Variants in ANKRD44 observed in about 807,000 individuals in gnomAD.
ANKRD44 encodes the protein serine/threonine-protein phosphatase 6 regulatory ankyrin repeat subunit B.
ANKRD44 carries 35 observed loss-of-function variants against 116.0 expected under a neutral mutation model. That is an observed-to-expected ratio of 0.30 (90% CI 0.23 to 0.40). The LOEUF is 0.40. Ranked by LOEUF, ANKRD44 falls within the 10% of genes least tolerant of loss-of-function variation. ANKRD44 has a pLI of 1.00. For synonymous variants in ANKRD44, 435 were observed against 461.8 expected, an observed-to-expected ratio of 0.94 and a Z score of 0.74; for missense variants, 1,014 against 1,242.6, an observed-to-expected ratio of 0.82 and a Z score of 2.77.
intron 8 of ANKRD44, among the ~76,000 whole-genome samples, chr2:197,112,465 T>C (rs1291171558): frequency 6.6e-6 from 1 of 152,048 alleles, no homozygotes; most frequent in African/African-American, 2.4e-5. Context: ...ATCCCAGCAC[T>C]TTGGGAGGCC....
At chr2:197,081,871 C>T (rs2077806488) in intron 14 of ANKRD44, 146 bp from the exon 15 acceptor site, 1 of 640,030 alleles carries the variant, frequency 1.6e-6, no homozygotes, top group South Asian at 1.9e-5. Flanking sequence ...TGAAGATATA[C>T]ATGGTTCTCT....
intron 2 of ANKRD44, among the ~76,000 whole-genome samples, chr2:197,176,744 A>G: frequency 6.6e-6 from 1 of 152,142 alleles, no homozygotes. Flanking sequence ...CATTTATACT[A>G]TCCTACACTG....
intron 16 of ANKRD44, among the ~76,000 whole-genome samples, chr2:197,071,099 G>A (rs1341658426): frequency 6.6e-6 from 1 of 152,012 alleles, no homozygotes; most frequent in Non-Finnish European, 1.5e-5. Flanking sequence ...GTTAATTTAT[G>A]TTTCCTCTCT....
At chr2:197,181,760 C>A (rs1464992288) in intron 2 of ANKRD44, among the ~76,000 whole-genome samples, 1 of 152,216 alleles carries the variant, frequency 6.6e-6, no homozygotes, top group Non-Finnish European at 1.5e-5. Flanking sequence ...CTCTAGACAG[C>A]TCTGTCTATT....
chr2:197,188,978 T>G (rs886471925), intron 1 of ANKRD44, among the ~76,000 whole-genome samples: 4 of 152,246 alleles, frequency 2.6e-5, no homozygotes, highest in African/African-American at 9.6e-5. Flanking sequence ...AGCACTGGCC[T>G]CAGGTGAAAT....
chr2:197,245,232 C>T (rs2125810938), intron 1 of ANKRD44, among the ~76,000 whole-genome samples: 1 of 152,230 alleles, frequency 6.6e-6, no homozygotes, highest in East Asian at 1.9e-4. Flanking sequence ...TGCACTCCAG[C>T]CTGGGCAACA....
At chr2:197,216,203 A>G (rs2081439123) in intron 1 of ANKRD44, among the ~76,000 whole-genome samples, 1 of 152,208 alleles carries the variant, frequency 6.6e-6, no homozygotes, top group Non-Finnish European at 1.5e-5. Flanking sequence ...AGTCTGGTAT[A>G]GTTTTCAAAT....
chr2:197,205,495 G>A (rs1287644522), intron 1 of ANKRD44, among the ~76,000 whole-genome samples: 2 of 152,178 alleles, frequency 1.3e-5, no homozygotes, highest in Non-Finnish European at 2.9e-5. Context: ...GAAAGAAACT[G>A]GGGCTTGGGG....
At chr2:197,293,176 G>A (rs2083619489) in intron 1 of ANKRD44, among the ~76,000 whole-genome samples, 1 of 152,156 alleles carries the variant, frequency 6.6e-6, no homozygotes, top group East Asian at 1.9e-4. Flanking sequence ...AAAGAAGGTA[G>A]ATAAAGTAGA....
intron 2 of ANKRD44, among the ~76,000 whole-genome samples, chr2:197,166,668 A>AAGGGTAGGAAC (rs1418846055): frequency 2.8e-4 from 5 of 17,832 alleles, no homozygotes; most frequent in Non-Finnish European, 1.6e-3. Context: ...TATGCTCAGA[A>AAGGGTAGGAAC]TGGGATATCC....
intron 8 of ANKRD44, among the ~76,000 whole-genome samples, chr2:197,118,637 G>GAGAGAGAGAGAGAAAGAAAGAA (rs773839262): frequency 8.6e-4 from 97 of 112,422 alleles, no homozygotes; most frequent in Non-Finnish European, 1.6e-3. Context: ...GAGAGAGAGA[G>GAGAGAGAGAGAGAAAGAAAGAA]AGAAAGAAAG....
At chr2:196,976,122 G>C (rs2075758554) in intron 21 of ANKRD44, among the ~76,000 whole-genome samples, 2 of 151,894 alleles carry the variant, frequency 1.3e-5, no homozygotes, top group Non-Finnish European at 2.9e-5. Flanking sequence ...AAAAACCCAT[G>C]GTAAACAAAA....
At chr2:197,114,679 G>A (rs1574482843) in intron 8 of ANKRD44, among the ~76,000 whole-genome samples, 1 of 151,990 alleles carries the variant, frequency 6.6e-6, no homozygotes, top group East Asian at 1.9e-4. Context: ...GTTCTCTGTG[G>A]CATGGTACAC....
chr2:197,025,167 G>C (rs1404901975), intron 17 of ANKRD44, 29 bp downstream of exon 17: 1 of 1,594,992 alleles, frequency 6.3e-7, no homozygotes, highest in African/African-American at 1.3e-5. Context: ...TTTTGTAACA[G>C]GTGAAGCTGC....
rs1244652478 is a variant in ANKRD44 at position 197,008,516 on chromosome 2, G to T, written c.2012+428C>A. 1.4e-4 allele frequency among the ~76,000 whole-genome samples: 21 copies of T among 152,110 alleles called. 1 individual carries two copies. The highest frequency in any genetic ancestry group is 1.4e-3 in the Admixed American group (21 of 15,274). ...TTAGGTGGGGAATATGCCAACAGAA[G>T]GAAATTACTTTGAAAAAGCAAAGTT... On this transcript the variant is annotated intron_variant, in intron 19 of 27. Transcript: ENST00000282272.
At chr2:197,140,587 C>T (rs2079337772) in intron 3 of ANKRD44, among the ~76,000 whole-genome samples, 1 of 152,134 alleles carries the variant, frequency 6.6e-6, no homozygotes, top group South Asian at 2.1e-4. Flanking sequence ...TTCTAATGTT[C>T]TGGGATTACA....
In ANKRD44 at chr2:197,025,222, C is replaced by G; in HGVS notation, c.1696G>C (p.Ala566Pro). Residue 566 changes from alanine to proline, a missense_variant, in exon 17 of 28, where the codon GCT becomes CCT. Coordinates refer to ENST00000282272, the MANE Select transcript of ANKRD44 (RefSeq NM_001195144.2). ...NSGFEESDSGATKSPLHLAAY... is the reference protein window; with the variant it reads ...NSGFEESDSGPTKSPLHLAAY... ...GCTAAGTGGAGTGGACTCTTAGTAGCACCAGAATCTGATTCTTCAAATCCA... is the reference window on the plus strand; with the variant it reads ...GCTAAGTGGAGTGGACTCTTAGTAGGACCAGAATCTGATTCTTCAAATCCA... 6.2e-7 allele frequency: 1 copy of G among 1,612,638 alleles called. No individual in the cohort carries two copies. Among genetic ancestry groups the G allele is most frequent in the African/African-American group, 1.3e-5 (1 of 75,046 alleles).
At chr2:197,106,106 A>C (rs2078420073) in intron 9 of ANKRD44, among the ~76,000 whole-genome samples, 1 of 152,188 alleles carries the variant, frequency 6.6e-6, no homozygotes, top group Non-Finnish European at 1.5e-5. Context: ...TTTTTCTTGT[A>C]GTTGTTGCTT....
At chr2:197,181,509 G>A (rs768821630) in intron 2 of ANKRD44, among the ~76,000 whole-genome samples, 2 of 152,066 alleles carry the variant, frequency 1.3e-5, no homozygotes, top group Non-Finnish European at 2.9e-5. Context: ...ACATTACCTC[G>A]TCCAGGCATG....
Sources: allele counts gnomAD v4.1 joint callset (sites outside exome capture counted in the v4.1 genomes callset), GRCh38; gene constraint gnomAD v4.1.1; transcripts MANE v1.5; gene names NCBI Gene and HGNC (gene_info 2026-07-23, HGNC 2026-07-21).